Variants in LRFN2 observed in about 807,000 individuals in gnomAD.
LRFN2 encodes the protein leucine-rich repeat and fibronectin type-III domain-containing protein 2.
In LRFN2, 18 loss-of-function variants were observed where a neutral mutation model predicts 37.3. That is an observed-to-expected ratio of 0.48 (90% confidence interval 0.33 to 0.72). The LOEUF (loss-of-function observed/expected upper bound fraction) is 0.72, where lower values mean the gene tolerates loss of function less well. Ranked by LOEUF, LRFN2 falls within the 30% of genes least tolerant of loss-of-function variation. The pLI is 0.02. For missense variants in LRFN2, 1,006 were observed against 1,060.7 expected (o/e 0.95, Z 0.72); for synonymous variants, 556 against 466.6 (o/e 1.19, Z -2.47).
rs111638801 is a variant in LRFN2 at position 40,534,905 on chromosome 6, C to G, written c.-19+52036G>C. 8.8e-3 allele frequency among the ~76,000 whole-genome samples: 1,340 copies of G among 152,296 alleles called. 11 individuals carry two copies. Among genetic ancestry groups the G allele is most frequent in the Non-Finnish European group, 0.014 (970 of 68,024 alleles). On this transcript the variant is annotated intron_variant, in intron 1 of 2. Transcript: ENST00000338305. ...ATCCCTAGGCAATGAGTACCAGGATCTCATTTCACAGATGAGGCGCCTGAG... is the reference window on the plus strand; with the variant it reads ...ATCCCTAGGCAATGAGTACCAGGATGTCATTTCACAGATGAGGCGCCTGAG...
chr6:40,464,254 T>C (rs1477299788), intron 1 of LRFN2, among the ~76,000 whole-genome samples: 2 of 152,230 alleles, frequency 1.3e-5, no homozygotes, highest in Non-Finnish European at 2.9e-5. Flanking sequence ...TAACCATTCA[T>C]ATTTCTGATG....
At chr6:40,509,636 C>A (rs1225346537) in intron 1 of LRFN2, among the ~76,000 whole-genome samples, 2 of 151,292 alleles carry the variant, frequency 1.3e-5, no homozygotes, top group African/African-American at 4.9e-5. Context: ...TGCCTGCATG[C>A]GGGTATGCCA....
At chr6:40,581,528 T>A (rs1767402751) in intron 1 of LRFN2, among the ~76,000 whole-genome samples, 1 of 152,152 alleles carries the variant, frequency 6.6e-6, no homozygotes, top group South Asian at 2.1e-4. Flanking sequence ...TGACCCCAGA[T>A]CCCCATCCAT....
chr6:40,529,905 A>T (rs1165471876), intron 1 of LRFN2, among the ~76,000 whole-genome samples: 1 of 152,250 alleles, frequency 6.6e-6, no homozygotes, highest in African/African-American at 2.4e-5. Flanking sequence ...GCTAATTTGA[A>T]GGATTCTTGT....
At chr6:40,518,405 T>C (rs1353185052) in intron 1 of LRFN2, among the ~76,000 whole-genome samples, 1 of 152,176 alleles carries the variant, frequency 6.6e-6, no homozygotes, top group Non-Finnish European at 1.5e-5. Context: ...ATTAAGTAAG[T>C]TGCCAAGCTC....
At chr6:40,447,054 G>A (rs926173059) in intron 1 of LRFN2, among the ~76,000 whole-genome samples, 4 of 151,766 alleles carry the variant, frequency 2.6e-5, no homozygotes, top group African/African-American at 9.7e-5. Context: ...TGAGGATGGG[G>A]CTGTGCCTCC....
At chr6:40,452,729 C>A (rs1159952740) in intron 1 of LRFN2, among the ~76,000 whole-genome samples, 2 of 152,208 alleles carry the variant, frequency 1.3e-5, no homozygotes, top group Admixed American at 1.3e-4. Flanking sequence ...CCTTTGAAGC[C>A]AACCGTATGA....
Position 40,477,951 on chromosome 6 carries a change from G to C in LRFN2, c.-18-44820C>G, listed in dbSNP as rs184934111. Among the ~76,000 whole-genome samples the C allele has an allele frequency of 1.1e-3, 172 of 152,314 alleles. 1 individual carries two copies. The Middle Eastern group carries it at 0.014, about 12-fold the overall frequency. On this transcript the variant is annotated intron_variant, in intron 1 of 2. Coordinates refer to ENST00000338305, the MANE Select transcript of LRFN2 (RefSeq NM_020737.3). ...CATGCACACCGGATGTAACACAGAC[G>C]CAGCAAACCGTGAATATGGTAAACC...
At chr6:40,551,323 G>C (rs1766774543) in intron 1 of LRFN2, among the ~76,000 whole-genome samples, 1 of 152,136 alleles carries the variant, frequency 6.6e-6, no homozygotes, top group South Asian at 2.1e-4. Flanking sequence ...AAGAAAGCAG[G>C]GTATATAGAC....
At chr6:40,497,039 C>G (rs1765244776) in intron 1 of LRFN2, among the ~76,000 whole-genome samples, 1 of 152,114 alleles carries the variant, frequency 6.6e-6, no homozygotes, top group African/African-American at 2.4e-5. Context: ...TATGGTGCAC[C>G]ATGCAAAGGA....
intron 1 of LRFN2, among the ~76,000 whole-genome samples, chr6:40,531,351 C>T (rs111351829): frequency 0.014 from 2,073 of 152,308 alleles, 27 homozygotes; most frequent in Non-Finnish European, 0.02. Flanking sequence ...CTGCTTGTCT[C>T]CATGGCTGAT....
chr6:40,446,537 A>G (rs577425635), intron 1 of LRFN2, among the ~76,000 whole-genome samples: 75 of 152,284 alleles, frequency 4.9e-4, no homozygotes, highest in African/African-American at 1.8e-3. Flanking sequence ...TGTGTTCATC[A>G]GGCTTCTGTC....
At chr6:40,447,162 A>G (rs1455482000) in intron 1 of LRFN2, among the ~76,000 whole-genome samples, 1 of 152,190 alleles carries the variant, frequency 6.6e-6, no homozygotes, top group African/African-American at 2.4e-5. Context: ...TCCTTATAAC[A>G]AGGCCACACA....
At chr6:40,480,702 G>T (rs1234621136) in intron 1 of LRFN2, among the ~76,000 whole-genome samples, 1 of 152,020 alleles carries the variant, frequency 6.6e-6, no homozygotes, top group Non-Finnish European at 1.5e-5. Context: ...TTATTTCTCT[G>T]GGCCCCACAT....
chr6:40,416,232 C>T (rs568446823), intron 2 of LRFN2, among the ~76,000 whole-genome samples: 1 of 152,364 alleles, frequency 6.6e-6, no homozygotes, highest in African/African-American at 2.4e-5. Flanking sequence ...TGGTCTCAAA[C>T]TGCTGACTTC....
chr6:40,395,239 A>T (rs1304903563), intron 2 of LRFN2, among the ~76,000 whole-genome samples: 1 of 152,204 alleles, frequency 6.6e-6, no homozygotes, highest in Admixed American at 6.5e-5. Flanking sequence ...AGGGTAAGTG[A>T]TCTGCCTGAG....
intron 1 of LRFN2, among the ~76,000 whole-genome samples, chr6:40,441,955 G>A (rs1348100272): frequency 6.6e-6 from 1 of 152,150 alleles, no homozygotes; most frequent in Non-Finnish European, 1.5e-5. Flanking sequence ...AGAATGCCCA[G>A]GGATGCATTT....
intron 1 of LRFN2, among the ~76,000 whole-genome samples, chr6:40,461,573 C>T (rs1764348440): frequency 6.8e-6 from 1 of 146,090 alleles, no homozygotes; most frequent in Non-Finnish European, 1.5e-5. Flanking sequence ...TCCCCAGCCA[C>T]CCCCCTCCCC....
At chr6:40,450,317 C>T (rs968717698) in intron 1 of LRFN2, among the ~76,000 whole-genome samples, 1 of 152,228 alleles carries the variant, frequency 6.6e-6, no homozygotes, top group East Asian at 1.9e-4. Context: ...TTAAGATTCT[C>T]ATTAGTATTG....
Sources: allele counts gnomAD v4.1 joint callset (sites outside exome capture counted in the v4.1 genomes callset), GRCh38; gene constraint gnomAD v4.1.1; transcripts MANE v1.5; gene names NCBI Gene and HGNC (gene_info 2026-07-23, HGNC 2026-07-21).